The following SCUBE3 variants were observed in gnomAD, a reference collection of about 807,000 sequenced individuals.
SCUBE3 encodes signal peptide, CUB and EGF-like domain-containing protein 3.
In SCUBE3, 33 loss-of-function variants were observed where a neutral mutation model predicts 116.8. That is an observed-to-expected ratio of 0.28 (90% CI 0.21 to 0.38). The LOEUF (loss-of-function observed/expected upper bound fraction) is 0.38. Among genes scored for constraint, SCUBE3 ranks in the 10% least tolerant of loss-of-function variants. SCUBE3 has a pLI of 1.00. For missense variants in SCUBE3, 1,007 were observed against 1,324.8 expected (o/e 0.76, Z 3.72); for synonymous variants, 418 against 496.9 (o/e 0.84, Z 2.11).
At position 35,240,501 on chromosome 6, in the gene SCUBE3, A is replaced by G; in HGVS notation, c.1069+11A>G. The G allele has an allele frequency of 7.0e-7, 1 of 1,438,698 alleles. No individual in the cohort carries two copies. The highest frequency in any genetic ancestry group is 9.7e-7 in the Non-Finnish European group (1 of 1,032,116). The allele number at this position is 1,438,698 out of a possible 1,614,324, so 89.1% of individuals were successfully genotyped here. A position where few individuals can be genotyped will look rare whatever the true frequency, so the allele number is the denominator to read the frequency against. On this transcript the variant is annotated intron_variant, in intron 9 of 21. Coordinates refer to ENST00000274938, the MANE Select transcript of SCUBE3 (RefSeq NM_152753.4). This position sits in a 1 kb window ranked among gnomAD's most constrained non-coding sequence, Gnocchi z 4.6. ...TCACCCACTGTGGGGGTAAGCTAGT[A>G]AGCTTGCACCCCCAGCCACCCTGGC... is the stretch of plus-strand genomic sequence containing the variant.
Position 35,242,275 on chromosome 6 carries a change from C to T in SCUBE3, c.1489C>T (p.Arg497Ter), listed in dbSNP as rs755280188. The T allele has an allele frequency of 3.1e-6, 5 of 1,613,970 alleles. No individual in the cohort carries two copies. Among genetic ancestry groups the T allele is most frequent in the South Asian group, 1.1e-5 (1 of 91,080 alleles). The stretch of plus-strand genomic sequence containing the variant: ...GGATGCCAAATGCCGTTTGCACCTG[C>T]GAAACAAAGGCAAAACAGAGGAGGC... ...IKDAKCRLHL[R>*]NKGKTEEAGR... The change falls in exon 13 of 22, where the codon CGA becomes TGA. Residue 497 changes from arginine to a stop codon, truncating the protein, a stop_gained. Transcript: ENST00000274938. LOFTEE classifies it high-confidence loss of function.
At position 35,240,028 on chromosome 6, in the gene SCUBE3, T is replaced by C. The variant is rs1322005117; in HGVS notation, c.952+154T>C. 6.6e-6 allele frequency among the ~76,000 whole-genome samples: 1 copy of C among 152,168 alleles called. No individual in the cohort carries two copies. ...CTGCAAATTAGCAAATGGTACTCTT[T>C]CCCCTCAGCGGACTAGCTCCATATC... On this transcript the variant is annotated intron_variant, in intron 8 of 21. Transcript: ENST00000274938. This position sits in a 1 kb window ranked among gnomAD's most constrained non-coding sequence, Gnocchi z 4.6.
intron 1 of SCUBE3, chr6:35,222,219 T>G (rs1254477255): frequency 2.6e-5 from 4 of 152,204 alleles, no homozygotes; most frequent in Non-Finnish European, 5.9e-5. Flanking sequence ...CTCATTTCCA[T>G]TTGTTACTGT....
chr6:35,252,781 G>A lies in SCUBE3; in HGVS notation c.*4076G>A, dbSNP rs1461353875. Reference sequence around the variant, plus strand: ...TAGACACCACAGGTTGTAGCAGTTTGAACAAACTGAAAACTTTATACTTCT... The same window carrying A: ...TAGACACCACAGGTTGTAGCAGTTTAAACAAACTGAAAACTTTATACTTCT... On this transcript the variant is annotated 3_prime_UTR_variant, in exon 22 of 22. Coordinates refer to ENST00000274938, the MANE Select transcript of SCUBE3 (RefSeq NM_152753.4). The A allele has an allele frequency of 6.6e-6, 1 of 152,174 alleles. No homozygotes were observed. Among genetic ancestry groups the A allele is most frequent in the East Asian group, 1.9e-4 (1 of 5,204 alleles). The allele number at this position is 152,174 out of a possible 1,614,324, so 9.4% of individuals were successfully genotyped here.
rs868290527 is a variant in SCUBE3, at chr6:35,214,476, G to A, written c.58G>A (p.Ala20Thr). 1 of 1,506,332 alleles carries A rather than the reference G, an allele frequency of 6.6e-7. No individual in the cohort carries two copies. Among genetic ancestry groups the A allele is most frequent in the East Asian group, 2.8e-5 (1 of 35,954 alleles). The allele number at this position is 1,506,332 out of a possible 1,614,324, so 93.3% of individuals were successfully genotyped here. Residue 20 changes from alanine (A) to threonine (T), a missense_variant, in exon 1 of 22, where the codon GCC (alanine) becomes ACC (threonine). Ala to Thr is a moderately conservative substitution (Grantham distance 58). This residue lies in a region of SCUBE3 where 94 missense variants were observed against 92.0 expected (regional missense o/e 1.02). Coordinates refer to ENST00000274938, the MANE Select transcript of SCUBE3 (RefSeq NM_152753.4). The surrounding 1 kb of genome is among the most constrained non-coding windows in gnomAD (Gnocchi z 6.3). ...CLLVLLVHARAAQYSKAAQDV... is the reference protein window; with the variant it reads ...CLLVLLVHARTAQYSKAAQDV... ...GCTTGTCCTGCTGGTCCACGCCCGCGCCGCCCAGTACAGCAAAGCCGCGCA... is the reference window on the plus strand; with the variant it reads ...GCTTGTCCTGCTGGTCCACGCCCGCACCGCCCAGTACAGCAAAGCCGCGCA...
chr6:35,232,982 T>C lies in SCUBE3; in HGVS notation c.595+7T>C. The stretch of plus-strand genomic sequence containing the variant: ...AACCAACGGGACTGTAAATGTGAGA[T>C]AATTGGGATGGCAGGTGGGGCAGTG... On this transcript the variant is annotated splice_region_variant and intron_variant, in intron 5 of 21. Coordinates refer to ENST00000274938, the MANE Select transcript of SCUBE3 (RefSeq NM_152753.4). This position sits in a 1 kb window ranked among gnomAD's most constrained non-coding sequence, Gnocchi z 4.2. The C allele has an allele frequency of 6.2e-7, 1 of 1,613,562 alleles. No individual in the cohort carries two copies. Among genetic ancestry groups the C allele is most frequent in the Non-Finnish European group, 8.5e-7 (1 of 1,179,716 alleles).
chr6:35,242,931 T>C, intron 14 of SCUBE3, 90 bp from the exon 15 acceptor site: 2 of 1,495,430 alleles, frequency 1.3e-6, no homozygotes, highest in South Asian at 1.1e-5. Context: ...CCTCTTACCA[T>C]GCCCCTCCTA....
Position 35,245,530 on chromosome 6 carries a change from G to C in SCUBE3, c.2599+105G>C. On this transcript the variant is annotated intron_variant, in intron 19 of 21. Coordinates refer to ENST00000274938, the MANE Select transcript of SCUBE3 (RefSeq NM_152753.4). This position sits in a 1 kb window ranked among gnomAD's most constrained non-coding sequence, Gnocchi z 4.2. ...AGGAAGAAATGGGGCAGTGAAGTTA[G>C]GGATCTATGAGGGTGAAATAGTGAG... is the stretch of plus-strand genomic sequence containing the variant. 3.2e-6 allele frequency: 3 copies of C among 951,708 alleles called. No individual in the cohort carries two copies. The highest frequency in any genetic ancestry group is 1.6e-5 in the African/African-American group (1 of 62,260). 59.0% of individuals were successfully genotyped at this position (951,708 alleles called of 1,614,324 possible).
chr6:35,217,261 G>T (rs1304064960), intron 1 of SCUBE3, among the ~76,000 whole-genome samples: 2 of 107,320 alleles, frequency 1.9e-5, no homozygotes, highest in African/African-American at 3.8e-5. Flanking sequence ...GGCGGGGGGG[G>T]GGGTGTGTGC....
intron 7 of SCUBE3, 98 bp downstream of exon 7, chr6:35,238,116 A>G: frequency 1.5e-6 from 1 of 649,762 alleles, no homozygotes; most frequent in Non-Finnish European, 2.8e-6. Context: ...CACCTCCTCA[A>G]CCTCCTTCTT....
intron 6 of SCUBE3, 96 bp from the exon 7 acceptor site, chr6:35,237,806 C>A: frequency 1.4e-6 from 1 of 704,478 alleles, no homozygotes; most frequent in Non-Finnish European, 2.5e-6. Context: ...CAGCTGAGGC[C>A]TTCCCTCGGG....
Position 35,237,921 on chromosome 6 carries a change from CG to C in SCUBE3, c.737del (p.Gly246AlafsTer33). The C allele has an allele frequency of 6.2e-7, 1 of 1,611,190 alleles. No homozygotes were observed. Among genetic ancestry groups the C allele is most frequent in the Non-Finnish European group, 8.5e-7 (1 of 1,177,468 alleles). On this transcript the variant is annotated frameshift_variant, in exon 7 of 22. Coordinates refer to ENST00000274938, the MANE Select transcript of SCUBE3 (RefSeq NM_152753.4). LOFTEE classifies it high-confidence loss of function. ...TCIETCAVNN[G>X]GCDSKCHDAA... Reference sequence around the variant, plus strand: ...AAACAGAGACCTGTGCTGTCAACAACGGGGGCTGTGACAGTAAGTGCCATGA... The same window carrying C: ...AAACAGAGACCTGTGCTGTCAACAACGGGGCTGTGACAGTAAGTGCCATGA...
Position 35,253,016 on chromosome 6 carries a change from A to T in SCUBE3, c.*4311A>T, listed in dbSNP as rs1056006516. 3.9e-5 allele frequency: 6 copies of T among 152,202 alleles called. No individual in the cohort carries two copies. Among genetic ancestry groups the T allele is most frequent in the African/African-American group, 9.7e-5 (4 of 41,446 alleles). 9.4% of individuals were successfully genotyped at this position (152,202 alleles called of 1,614,324 possible). A position where few individuals can be genotyped will look rare whatever the true frequency, so the allele number is the denominator to read the frequency against. Reference sequence around the variant, plus strand: ...GGAAAAATATGTATCTGAATTGTAAAAAGAAATGTTTGGATTTTGTATGTC... The same window carrying T: ...GGAAAAATATGTATCTGAATTGTAATAAGAAATGTTTGGATTTTGTATGTC... On this transcript the variant is annotated 3_prime_UTR_variant, in exon 22 of 22. Transcript: ENST00000274938.
chr6:35,224,828 G>C (rs933248598), intron 1 of SCUBE3, among the ~76,000 whole-genome samples: 1 of 152,022 alleles, frequency 6.6e-6, no homozygotes, highest in Non-Finnish European at 1.5e-5. Flanking sequence ...ATATGGTCAG[G>C]GGAGCAGTTC....
In SCUBE3 at chr6:35,231,356, C is replaced by T. The variant is rs551414304; in HGVS notation, c.335-369C>T. On this transcript the variant is annotated intron_variant, in intron 3 of 21. Transcript: ENST00000274938. This position sits in a 1 kb window ranked among gnomAD's most constrained non-coding sequence, Gnocchi z 4.2. ...CAGCTGCAACCCCCAGTTACCTATC[C>T]GACCAATGTGACCAATCTCCATCCT... is the stretch of plus-strand genomic sequence containing the variant. 3.3e-5 allele frequency among the ~76,000 whole-genome samples: 5 copies of T among 152,284 alleles called. No individual in the cohort carries two copies. Among genetic ancestry groups the T allele is most frequent in the South Asian group, 2.1e-4 (1 of 4,828 alleles).
At position 35,243,975 on chromosome 6, in the gene SCUBE3, C is replaced by T. The variant is rs1246622756; in HGVS notation, c.2084C>T (p.Pro695Leu). 2 of 1,613,862 alleles carry T rather than the reference C, an allele frequency of 1.2e-6. No homozygotes were observed. Among genetic ancestry groups the T allele is most frequent in the Admixed American group, 1.7e-5 (1 of 60,004 alleles). Residue 695 changes from proline to leucine, a missense_variant, in exon 17 of 22, where the codon CCT (proline) becomes CTT (leucine). Physicochemically the swap from Pro to Leu is moderately conservative, Grantham distance 98 (BLOSUM62 -3). This residue lies in a region of SCUBE3 where 544 missense variants were observed against 638.9 expected (regional missense o/e 0.85). Coordinates refer to ENST00000274938, the MANE Select transcript of SCUBE3 (RefSeq NM_152753.4). The surrounding 1 kb of genome is among the most constrained non-coding windows in gnomAD (Gnocchi z 6.6). ...TGATTCATTGCAGGTCAGTGCCCAC[C>T]TGGCCAACACTCTGTAGATGGGTTC... Reference protein sequence around the residue: ...NVTTCAGQCPPGQHSVDGFKP... With the variant: ...NVTTCAGQCPLGQHSVDGFKP...
Position 35,233,824 on chromosome 6 carries a change from C to T in SCUBE3, c.712+523C>T. ...GTTTCCTGGCTCCAGGTATCTTTTT[C>T]CTCTTTATTCCTTCTCTCCTCACTC... On this transcript the variant is annotated intron_variant, in intron 6 of 21. Transcript: ENST00000274938. The surrounding 1 kb of genome is among the most constrained non-coding windows in gnomAD (Gnocchi z 5.7). Among the ~76,000 whole-genome samples, 1 of 152,072 alleles carries T rather than the reference C, an allele frequency of 6.6e-6. No individual in the cohort carries two copies. The highest frequency in any genetic ancestry group is 2.4e-5 in the African/African-American group (1 of 41,382).
At position 35,241,758 on chromosome 6, in the gene SCUBE3, CG is replaced by C; in HGVS notation, c.1313-43del. ...ATTCCCCCTGGATTCCTCCAGCCAGCGGGGGTTGGGAAGGCAGGTCAGAACT... is the reference window on the plus strand; with the variant it reads ...ATTCCCCCTGGATTCCTCCAGCCAGCGGGGTTGGGAAGGCAGGTCAGAACT... On this transcript the variant is annotated intron_variant, in intron 11 of 21. Coordinates refer to ENST00000274938, the MANE Select transcript of SCUBE3 (RefSeq NM_152753.4). The surrounding 1 kb of genome is among the most constrained non-coding windows in gnomAD (Gnocchi z 4.1). 3.3e-6 allele frequency: 5 copies of C among 1,534,262 alleles called. No homozygotes were observed. The highest frequency in any genetic ancestry group is 4.5e-6 in the Non-Finnish European group (5 of 1,107,358).
At chr6:35,227,834 A>C in intron 2 of SCUBE3, 132 bp downstream of exon 2, 4 of 878,466 alleles carry the variant, frequency 4.6e-6, no homozygotes, top group Non-Finnish European at 3.6e-6. Flanking sequence ...GGGGGTGGTG[A>C]GGGGGGCAAC....
Sources: allele counts gnomAD v4.1 joint callset (sites outside exome capture counted in the v4.1 genomes callset), GRCh38; gene constraint gnomAD v4.1.1; regional missense constraint gnomAD v4.1.1; non-coding constraint Gnocchi (gnomAD v3.1); transcripts MANE v1.5; gene names NCBI Gene and HGNC (gene_info 2026-07-23, HGNC 2026-07-21).